NEGR1: variants seen among roughly 807,000 people sequenced by gnomAD.
NEGR1 encodes the protein neuronal growth regulator 1.
A neutral mutation model predicts 40.9 loss-of-function variants in NEGR1; 10 were observed. The observed-to-expected ratio is 0.24, with a 90% CI of 0.15 to 0.42. The LOEUF (loss-of-function observed/expected upper bound fraction) is 0.42. Among genes scored for constraint, NEGR1 ranks in the 10% least tolerant of loss-of-function variants. NEGR1 has a pLI of 1.00. For synonymous variants in NEGR1, 185 were observed against 166.8 expected, an observed-to-expected ratio of 1.11 and a Z score of -0.84; for missense variants, 352 against 438.9, an observed-to-expected ratio of 0.80 and a Z score of 1.77.
At chr1:71,702,796 A>C (rs1338338354) in intron 3 of NEGR1, among the ~76,000 whole-genome samples, 1 of 151,828 alleles carries the variant, frequency 6.6e-6, no homozygotes, top group Non-Finnish European at 1.5e-5. Context: ...CTAATGGAAG[A>C]GAAGTAAACA....
intron 3 of NEGR1, among the ~76,000 whole-genome samples, chr1:71,715,520 C>T (rs1021217845): frequency 1.3e-5 from 2 of 152,056 alleles, no homozygotes; most frequent in African/African-American, 4.8e-5. Context: ...AATTCCAAAC[C>T]ATCTCTTTGT....
chr1:72,099,515 T>G (rs1414042150), intron 1 of NEGR1, among the ~76,000 whole-genome samples: 1 of 152,034 alleles, frequency 6.6e-6, no homozygotes. Flanking sequence ...AAAGCATTTT[T>G]AAATGAGTAA....
At chr1:71,719,926 T>A (rs1654446247) in intron 3 of NEGR1, among the ~76,000 whole-genome samples, 1 of 152,154 alleles carries the variant, frequency 6.6e-6, no homozygotes, top group Non-Finnish European at 1.5e-5. Context: ...TATTATGTCC[T>A]GACCCTATAA....
At chr1:71,510,701 G>C (rs941836451) in intron 6 of NEGR1, among the ~76,000 whole-genome samples, 2 of 152,180 alleles carry the variant, frequency 1.3e-5, no homozygotes, top group Non-Finnish European at 2.9e-5. Flanking sequence ...AACTAGGGGA[G>C]GGACTTGCGT....
chr1:71,636,592 A>G (rs1557595561), intron 4 of NEGR1, among the ~76,000 whole-genome samples: 2 of 152,106 alleles, frequency 1.3e-5, no homozygotes, highest in Non-Finnish European at 2.9e-5. Flanking sequence ...ATAAGATTCT[A>G]TCAGGTGCTC....
rs558255123 is a variant in NEGR1, at chr1:71,673,891, CAT to C, written c.667+24115_667+24116del. 2.4e-3 allele frequency among the ~76,000 whole-genome samples: 360 copies of C among 152,064 alleles called. 2 individuals are homozygous for C. Among genetic ancestry groups the C allele is most frequent in the African/African-American group, 8.0e-3 (334 of 41,498 alleles). On this transcript the variant is annotated intron_variant, in intron 4 of 6. Coordinates refer to ENST00000357731, the MANE Select transcript of NEGR1 (RefSeq NM_173808.3). ...GCTCAGTCTTTATGGAGAACATAGA[CAT>C]GTGGACGAATTACAGAGAAATTTAG...
chr1:71,458,638 C>A (rs572436847), intron 6 of NEGR1, among the ~76,000 whole-genome samples: 1 of 152,070 alleles, frequency 6.6e-6, no homozygotes. Context: ...CTTTGTGAGT[C>A]CAGTTCCTTT....
chr1:71,971,653 ATCATGAC>A (rs1216264698), intron 1 of NEGR1, among the ~76,000 whole-genome samples: 2 of 152,202 alleles, frequency 1.3e-5, no homozygotes, highest in Non-Finnish European at 2.9e-5. Flanking sequence ...ATCCAAATTG[ATCATGAC>A]TTTGTAAGTT....
In NEGR1 at chr1:71,990,065, T is replaced by G. The variant is rs28444753; in HGVS notation, c.177-54754A>C. On this transcript the variant is annotated intron_variant, in intron 1 of 6. Coordinates refer to ENST00000357731, the MANE Select transcript of NEGR1 (RefSeq NM_173808.3). ...TTTTATGATTAAAGGTTTACTTTTC[T>G]TTCTGTATAAAATACTTTTATTATC... is the stretch of plus-strand genomic sequence containing the variant. Among the ~76,000 whole-genome samples the G allele has an allele frequency of 4.9e-3, 751 of 152,330 alleles. 6 individuals carry two copies. Among genetic ancestry groups the G allele is most frequent in the African/African-American group, 0.017 (725 of 41,566 alleles).
chr1:71,451,098 G>T (rs1646624532), intron 6 of NEGR1, among the ~76,000 whole-genome samples: 1 of 152,178 alleles, frequency 6.6e-6, no homozygotes, highest in Admixed American at 6.5e-5. Flanking sequence ...AATTACACCA[G>T]TGGGACATTT....
intron 1 of NEGR1, among the ~76,000 whole-genome samples, chr1:71,935,913 C>T (rs1403396773): frequency 1.3e-5 from 2 of 152,150 alleles, no homozygotes; most frequent in African/African-American, 4.8e-5. Flanking sequence ...ATTCTCCTGT[C>T]TCAGCCTCCC....
intron 3 of NEGR1, among the ~76,000 whole-genome samples, chr1:71,746,062 T>G (rs1475121608): frequency 6.6e-6 from 1 of 152,190 alleles, no homozygotes; most frequent in Non-Finnish European, 1.5e-5. Flanking sequence ...CATATTTCAT[T>G]GAACCTACGC....
At chr1:72,205,549 AT>A (rs74950870) in intron 1 of NEGR1, among the ~76,000 whole-genome samples, 44,952 of 141,294 alleles carry the variant, frequency 0.32, 7,211 homozygotes, top group African/African-American at 0.42. Context: ...GCCTTGCTAC[AT>A]TTTTTTTTTT....
chr1:72,097,613 G>GT lies in NEGR1; in HGVS notation c.177-162303dup, dbSNP rs113905742. 6.1e-3 allele frequency among the ~76,000 whole-genome samples: 929 copies of GT among 152,272 alleles called. 13 individuals are homozygous for GT. Among genetic ancestry groups the GT allele is most frequent in the African/African-American group, 0.021 (892 of 41,548 alleles). On this transcript the variant is annotated intron_variant, in intron 1 of 6. Coordinates refer to ENST00000357731, the MANE Select transcript of NEGR1 (RefSeq NM_173808.3). Reference sequence around the variant, plus strand: ...TAACCACTAAGCAAAATTTTAGACTGTTTTCTTCTGCCCCCATGCCTTCCC... The same window carrying GT: ...TAACCACTAAGCAAAATTTTAGACTGTTTTTCTTCTGCCCCCATGCCTTCCC...
chr1:71,844,587 G>A (rs550286775), intron 2 of NEGR1, among the ~76,000 whole-genome samples: 2 of 152,270 alleles, frequency 1.3e-5, no homozygotes, highest in East Asian at 3.9e-4. Context: ...CATGGAAGCT[G>A]TCCTTGACCC....
intron 2 of NEGR1, among the ~76,000 whole-genome samples, chr1:71,809,377 A>T (rs1657901040): frequency 6.6e-6 from 1 of 152,200 alleles, no homozygotes; most frequent in African/African-American, 2.4e-5. Context: ...GAGTGATTTA[A>T]GTGCCACCCA....
At chr1:71,415,274 T>G (rs1233323983) in intron 6 of NEGR1, among the ~76,000 whole-genome samples, 1 of 152,084 alleles carries the variant, frequency 6.6e-6, no homozygotes, top group Admixed American at 6.6e-5. Context: ...GGTGAATGGG[T>G]AGAGAAATCA....
intron 1 of NEGR1, among the ~76,000 whole-genome samples, chr1:72,282,084 G>C (rs760598642): frequency 6.6e-6 from 1 of 152,086 alleles, no homozygotes; most frequent in Admixed American, 6.5e-5. Context: ...TCATCCCCAG[G>C]CTACTTGGCG....
chr1:71,934,808 C>A (rs79534627), intron 2 of NEGR1, among the ~76,000 whole-genome samples: 2,518 of 152,058 alleles, frequency 0.017, 29 homozygotes, highest in Non-Finnish European at 0.025. Flanking sequence ...TACTTGCATA[C>A]CTTTTTTTAA....
Sources: gnomAD v4.1 joint callset for allele counts (sites outside exome capture counted in the v4.1 genomes callset) on GRCh38, gnomAD v4.1.1 for gene constraint, MANE v1.5 for transcripts, NCBI Gene and HGNC (gene_info 2026-07-23, HGNC 2026-07-21) for gene names.